Variants in TBXAS1 observed in about 807,000 individuals in gnomAD.
TBXAS1 encodes thromboxane A synthase 1.
A neutral mutation model predicts 60.7 loss-of-function variants in TBXAS1; 48 were observed. The observed-to-expected ratio is 0.79, with a 90% CI of 0.63 to 1.01. The LOEUF (loss-of-function observed/expected upper bound fraction) is 1.01. Among genes scored for constraint, TBXAS1 ranks in the 50% least tolerant of loss-of-function variants. The pLI is 0.00. For missense variants in TBXAS1, 685 were observed against 686.3 expected, an observed-to-expected ratio of 1.00 and a Z score of 0.02; for synonymous variants, 287 against 269.7, an observed-to-expected ratio of 1.06 and a Z score of -0.63.
In TBXAS1 at chr7:139,936,448, T is replaced by G. The variant is rs138445116; in HGVS notation, c.450+141T>G. On this transcript the variant is annotated intron_variant, in intron 5 of 12. Transcript: ENST00000448866. ...TTTCCCACTGGGACCTTCAGACCTCTCTGTTATGCAGAAAGCACGGGACTC... is the reference window on the plus strand; with the variant it reads ...TTTCCCACTGGGACCTTCAGACCTCGCTGTTATGCAGAAAGCACGGGACTC... The G allele has an allele frequency of 8.8e-3, 7,545 of 855,668 alleles. 111 individuals carry two copies. Among genetic ancestry groups the G allele is most frequent in the South Asian group, 0.038 (2,888 of 75,212 alleles). The allele number at this position is 855,668 out of a possible 1,614,324, so 53.0% of individuals were successfully genotyped here. A position where few individuals can be genotyped will look rare whatever the true frequency, so the allele number is the denominator to read the frequency against.
At chr7:139,832,632 A>G (rs1798783129) in intron 1 of TBXAS1, among the ~76,000 whole-genome samples, 1 of 152,238 alleles carries the variant, frequency 6.6e-6, no homozygotes, top group Non-Finnish European at 1.5e-5. Context: ...TCATCGCAAA[A>G]AGATCTTTGC....
chr7:139,914,294 C>A (rs1805793781), intron 4 of TBXAS1, among the ~76,000 whole-genome samples: 2 of 152,046 alleles, frequency 1.3e-5, no homozygotes, highest in Admixed American at 1.3e-4. Context: ...ACCTTGGCCT[C>A]CCAAATTGTT....
At chr7:139,984,722 A>AAAAG (rs1208735667) in intron 9 of TBXAS1, among the ~76,000 whole-genome samples, 18 of 149,084 alleles carry the variant, frequency 1.2e-4, no homozygotes, top group South Asian at 8.5e-4. Context: ...GGAAGGAAGG[A>AAAAG]AAAGAAAGAA....
chr7:140,017,644 G>A (rs1815181868), intron 11 of TBXAS1, 27 bp from the exon 12 acceptor site: 2 of 1,611,160 alleles, frequency 1.2e-6, no homozygotes, highest in East Asian at 4.5e-5. Flanking sequence ...GGTGTTCTGG[G>A]CCAGCCCTGA....
chr7:139,996,850 A>G (rs999859589), intron 9 of TBXAS1, among the ~76,000 whole-genome samples: 18 of 152,242 alleles, frequency 1.2e-4, no homozygotes, highest in African/African-American at 4.1e-4. Flanking sequence ...ATAGACAGCC[A>G]CTGCTGATAA....
chr7:139,901,712 T>A (rs1048832523), intron 3 of TBXAS1, among the ~76,000 whole-genome samples: 2 of 151,984 alleles, frequency 1.3e-5, no homozygotes, highest in African/African-American at 4.8e-5. Flanking sequence ...CCAGGCATTA[T>A]TATTTCTGAA....
At chr7:139,829,919 G>A (rs1201053880) in intron 1 of TBXAS1, among the ~76,000 whole-genome samples, 1 of 152,176 alleles carries the variant, frequency 6.6e-6, no homozygotes, top group African/African-American at 2.4e-5. Context: ...GCAAATGTGG[G>A]CCTCTTTGCA....
chr7:140,017,368 T>C (rs943824875), intron 11 of TBXAS1, among the ~76,000 whole-genome samples: 1 of 152,152 alleles, frequency 6.6e-6, no homozygotes, highest in African/African-American at 2.4e-5. Context: ...GTTTAGACTC[T>C]GATTGTGGGT....
At chr7:139,968,926 T>C (rs1810992971) in intron 9 of TBXAS1, among the ~76,000 whole-genome samples, 1 of 152,242 alleles carries the variant, frequency 6.6e-6, no homozygotes, top group South Asian at 2.1e-4. Flanking sequence ...GGCTGCTTCA[T>C]TGTGTTCTCA....
intron 3 of TBXAS1, among the ~76,000 whole-genome samples, chr7:139,876,165 C>T (rs1019422996): frequency 6.6e-6 from 1 of 152,194 alleles, no homozygotes; most frequent in African/African-American, 2.4e-5. Context: ...CCAGGATAAC[C>T]TTATCACCTA....
chr7:139,961,829 C>T (rs754659799), intron 8 of TBXAS1, 90 bp from the exon 9 acceptor site: 342 of 1,497,692 alleles, frequency 2.3e-4, no homozygotes, highest in Admixed American at 3.7e-4. Flanking sequence ...AAAAGCTATG[C>T]CCATGTATCT....
chr7:139,932,023 AATT>A (rs1807366720), intron 4 of TBXAS1, among the ~76,000 whole-genome samples: 1 of 152,030 alleles, frequency 6.6e-6, no homozygotes, highest in South Asian at 2.1e-4. Context: ...TACTCTTAAA[AATT>A]ATTAAGATGG....
chr7:139,950,360 G>A (rs1476129589), intron 5 of TBXAS1, among the ~76,000 whole-genome samples: 2 of 152,190 alleles, frequency 1.3e-5, no homozygotes, highest in East Asian at 3.9e-4. Context: ...TAATGAGTGA[G>A]TACATCTTTT....
intron 9 of TBXAS1, 84 bp from the exon 10 acceptor site, chr7:140,007,007 G>A (rs565521495): frequency 3.9e-4 from 518 of 1,325,972 alleles, no homozygotes; most frequent in Admixed American, 7.0e-4. Context: ...AGTTGGAAAC[G>A]AGATTGAAAT....
chr7:139,783,365 A>AG (rs398111950), intron 3 of TBXAS1, among the ~76,000 whole-genome samples: 1 of 151,754 alleles, frequency 6.6e-6, no homozygotes, highest in African/African-American at 2.4e-5. Flanking sequence ...AAAAAAAAAA[A>AG]TGCAATCAGC....
intron 9 of TBXAS1, among the ~76,000 whole-genome samples, chr7:139,971,403 G>C (rs976404408): frequency 7.4e-5 from 11 of 149,420 alleles, no homozygotes; most frequent in African/African-American, 2.7e-4. Flanking sequence ...CAAGTCACAA[G>C]TTCCCAAAGC....
Position 139,955,608 on chromosome 7 carries a change from G to C in TBXAS1, c.688+1G>C. 1 of 1,614,052 alleles carries C rather than the reference G, an allele frequency of 6.2e-7. No homozygotes were observed. The highest frequency in any genetic ancestry group is 8.5e-7 in the Non-Finnish European group (1 of 1,180,024). ...CCCAGACCTATCCTGGTTTTACTCT[G>C]TAAGTGCGGCTGCAGCCCGGGGCGC... On this transcript the variant is annotated splice_donor_variant, in intron 7 of 12. Coordinates refer to ENST00000448866, the MANE Select transcript of TBXAS1 (RefSeq NM_001061.7). LOFTEE classifies it high-confidence loss of function.
intron 9 of TBXAS1, among the ~76,000 whole-genome samples, chr7:139,993,730 C>T (rs901108559): frequency 3.3e-5 from 5 of 152,132 alleles, no homozygotes; most frequent in Admixed American, 6.5e-5. Flanking sequence ...GCTCTGGACC[C>T]GCATCCCAAG....
In TBXAS1 at chr7:139,919,946, G is replaced by A. The variant is rs748505602; in HGVS notation, c.333+8625G>A. 6.8e-4 allele frequency among the ~76,000 whole-genome samples: 104 copies of A among 152,200 alleles called. 2 individuals are homozygous for A. The highest frequency in any genetic ancestry group is 3.5e-4 in the Non-Finnish European group (24 of 68,026). The stretch of plus-strand genomic sequence containing the variant: ...CCACCCTCCATTCTTTGTCTTGATA[G>A]TTCCAGTCCCAGTACAGCACCTGGC... On this transcript the variant is annotated intron_variant, in intron 4 of 12. Transcript: ENST00000448866.
Sources: gnomAD v4.1 joint callset for allele counts (sites outside exome capture counted in the v4.1 genomes callset) on GRCh38, gnomAD v4.1.1 for gene constraint, MANE v1.5 for transcripts, NCBI Gene and HGNC (gene_info 2026-07-23, HGNC 2026-07-21) for gene names.